Variants in GDF15 observed in about 807,000 individuals in gnomAD.
GDF15 encodes the protein growth differentiation factor 15, also known as growth/differentiation factor 15.
GDF15 carries 10 observed loss-of-function variants against 8.9 expected under a neutral mutation model. That is an observed-to-expected ratio of 1.12 (90% CI 0.69 to 1.90). The LOEUF (loss-of-function observed/expected upper bound fraction) is 1.90. GDF15 is among the 40% of genes most tolerant of loss of function. The probability of loss-of-function intolerance (pLI) is 0.00; values close to 1 mark genes in which losing one functional copy is unlikely to be tolerated. For synonymous variants in GDF15, 228 were observed against 210.6 expected, an observed-to-expected ratio of 1.08 and a Z score of -0.72; for missense variants, 452 against 434.2, an observed-to-expected ratio of 1.04 and a Z score of -0.36.
In GDF15 at chr19:18,388,385, G is replaced by T; in HGVS notation, c.377G>T (p.Arg126Leu). 1.2e-6 allele frequency: 2 copies of T among 1,611,700 alleles called. No homozygotes were observed. The highest frequency in any genetic ancestry group is 1.1e-5 in the South Asian group (1 of 91,012). ...TCCCGCCTTCACCGGGCTCTGTTCCGGCTGTCCCCGACGGCGTCAAGGTCG... is the reference window on the plus strand; with the variant it reads ...TCCCGCCTTCACCGGGCTCTGTTCCTGCTGTCCCCGACGGCGTCAAGGTCG... ...EASRLHRALF[R>L]LSPTASRSWD... is the part of the protein sequence containing the mutation. Residue 126 changes from arginine (R) to leucine (L), a missense_variant, in exon 2 of 2, where the codon CGG becomes CTG. By Grantham distance (102) the Arg-to-Leu change is moderately radical. Coordinates refer to ENST00000252809, the MANE Select transcript of GDF15 (RefSeq NM_004864.4). This position sits in a 1 kb window ranked among gnomAD's most constrained non-coding sequence, Gnocchi z 4.2.
rs776932462 is a variant in GDF15, at chr19:18,386,234, C to G, written c.45C>G (p.Leu15=). The G allele has an allele frequency of 6.8e-6, 11 of 1,613,362 alleles. No homozygotes were observed. The highest frequency in any genetic ancestry group is 2.2e-5 in the East Asian group (1 of 44,896). The change falls in exon 1 of 2, where the codon CTC becomes CTG. Residue 15 remains leucine (L), a synonymous_variant. Transcript: ENST00000252809. ...ELRTVNGSQM[L]LVLLVLSWLP... is the part of the protein sequence containing the mutation. Reference sequence around the variant, plus strand: ...GGACGGTGAATGGCTCTCAGATGCTCCTGGTGTTGCTGGTGCTCTCGTGGC... The same window carrying G: ...GGACGGTGAATGGCTCTCAGATGCTGCTGGTGTTGCTGGTGCTCTCGTGGC...
chr19:18,387,166 C>CAGTCTCCCT (rs1265416577), intron 1 of GDF15, among the ~76,000 whole-genome samples: 1 of 152,154 alleles, frequency 6.6e-6, no homozygotes, highest in Non-Finnish European at 1.5e-5. Context: ...CCAGTCTCCC[C>CAGTCTCCCT]AGTCTCCCTA....
In GDF15 at chr19:18,388,518, G is replaced by A; in HGVS notation, c.510G>A (p.Leu170=). The A allele has an allele frequency of 6.2e-7, 1 of 1,600,728 alleles. No individual in the cohort carries two copies. The highest frequency in any genetic ancestry group is 8.5e-7 in the Non-Finnish European group (1 of 1,176,028). The change falls in exon 2 of 2, where the codon CTG becomes CTA. Residue 170 remains leucine, a synonymous_variant. Transcript: ENST00000252809. The surrounding 1 kb of genome is among the most constrained non-coding windows in gnomAD (Gnocchi z 4.2). ...CGCCGTCGCAGTCGGACCAACTGCT[G>A]GCAGAATCTTCGTCCGCACGGCCCC... ...SPPPSQSDQL[L]AESSSARPQL...
intron 1 of GDF15, among the ~76,000 whole-genome samples, chr19:18,387,553 G>T (rs375528673): frequency 9.9e-5 from 15 of 152,194 alleles, no homozygotes; most frequent in Middle Eastern, 3.4e-3. Flanking sequence ...AAGCAAGTAA[G>T]TTTTTGACTG....
chr19:18,388,184 C>T lies in GDF15; in HGVS notation c.278-102C>T. 2 of 1,078,808 alleles carry T rather than the reference C, an allele frequency of 1.9e-6. No homozygotes were observed. Among genetic ancestry groups the T allele is most frequent in the Non-Finnish European group, 2.7e-6 (2 of 739,280 alleles). 66.8% of individuals were successfully genotyped at this position (1,078,808 alleles called of 1,614,324 possible). On this transcript the variant is annotated intron_variant, in intron 1 of 1. Transcript: ENST00000252809. This position sits in a 1 kb window ranked among gnomAD's most constrained non-coding sequence, Gnocchi z 4.2. ...ATAACTTGTGCAAAGGCGCCGCCGC[C>T]GTGGTGAGATCCAGCTTGGCGTGTT...
rs1568331480 is a variant in GDF15 at position 18,388,967 on chromosome 19, C to CG, written c.*34dup. 6 of 1,520,922 alleles carry CG rather than the reference C, an allele frequency of 3.9e-6. No individual in the cohort carries two copies. In the East Asian group the frequency reaches 1.1e-4, roughly 29 times the overall value. 94.2% of individuals were successfully genotyped at this position (1,520,922 alleles called of 1,614,324 possible). ...CTGGTCCTTCCACTGTGCACCTGCG[C>CG]GGAGGACGCGACCTCAGTTGTCCTG... On this transcript the variant is annotated 3_prime_UTR_variant, in exon 2 of 2. Transcript: ENST00000252809. This position sits in a 1 kb window ranked among gnomAD's most constrained non-coding sequence, Gnocchi z 4.2.
At position 18,388,836 on chromosome 19, in the gene GDF15, C is replaced by G. The variant is rs141878712; in HGVS notation, c.828C>G (p.Pro276=). The change falls in exon 2 of 2, where the codon CCC becomes CCG. Residue 276 remains proline (P), a synonymous_variant. Coordinates refer to ENST00000252809, the MANE Select transcript of GDF15 (RefSeq NM_004864.4). The surrounding 1 kb of genome is among the most constrained non-coding windows in gnomAD (Gnocchi z 4.2). ...PDTVPAPCCV[P]ASYNPMVLIQ... is the part of the protein sequence containing the mutation. ...CGGTGCCAGCGCCCTGCTGCGTGCC[C>G]GCCAGCTACAATCCCATGGTGCTCA... The G allele has an allele frequency of 9.3e-6, 15 of 1,612,038 alleles. No individual in the cohort carries two copies. The African/African-American group carries it at 1.6e-4, about 17-fold the overall frequency.
intron 1 of GDF15, among the ~76,000 whole-genome samples, chr19:18,387,985 C>A (rs569674537): frequency 2.3e-4 from 35 of 151,968 alleles, no homozygotes; most frequent in African/African-American, 8.2e-4. Context: ...CCATGCCCAG[C>A]TAATTTTTGG....
At chr19:18,387,093 G>A (rs1227731) in intron 1 of GDF15, 16,720 of 153,060 alleles carry the variant, frequency 0.11, 1,110 homozygotes, top group East Asian at 0.17. Context: ...TCTGTGCCGT[G>A]TGACTCCGGC....
Position 18,388,340 on chromosome 19 carries a change from C to T in GDF15, c.332C>T (p.Pro111Leu), listed in dbSNP as rs773889399. ...LHLRISRAAL[P>L]EGLPEASRLH... ...CTGCGTATCTCTCGGGCCGCCCTTC[C>T]CGAGGGGCTCCCCGAGGCCTCCCGC... Residue 111 changes from proline (P) to leucine (L), a missense_variant, in exon 2 of 2, where the codon CCC becomes CTC. Transcript: ENST00000252809. This position sits in a 1 kb window ranked among gnomAD's most constrained non-coding sequence, Gnocchi z 4.2. 4.5e-5 allele frequency: 72 copies of T among 1,611,288 alleles called. No homozygotes were observed. The Middle Eastern group carries it at 5.8e-4, about 13-fold the overall frequency.
In GDF15 at chr19:18,388,357, G is replaced by A. The variant is rs143520034; in HGVS notation, c.349G>A (p.Ala117Thr). Residue 117 changes from alanine to threonine, a missense_variant, in exon 2 of 2, where the codon GCC becomes ACC. Transcript: ENST00000252809. The surrounding 1 kb of genome is among the most constrained non-coding windows in gnomAD (Gnocchi z 4.2). ...RAALPEGLPE[A>T]SRLHRALFRL... The stretch of plus-strand genomic sequence containing the variant: ...CGCCCTTCCCGAGGGGCTCCCCGAG[G>A]CCTCCCGCCTTCACCGGGCTCTGTT... 4.8e-4 allele frequency: 776 copies of A among 1,611,574 alleles called. 8 individuals carry two copies. In the African/African-American group the frequency reaches 8.3e-3, roughly 17 times the overall value.
rs1220134971 is a variant in GDF15 at position 18,388,516 on chromosome 19, C to T, written c.508C>T (p.Leu170=). Residue 170 remains leucine, a synonymous_variant, in exon 2 of 2, where the codon CTG becomes TTG. Transcript: ENST00000252809. This position sits in a 1 kb window ranked among gnomAD's most constrained non-coding sequence, Gnocchi z 4.2. ...SPPPSQSDQL[L]AESSSARPQL... is the part of the protein sequence containing the mutation. ...GCCGCCGTCGCAGTCGGACCAACTG[C>T]TGGCAGAATCTTCGTCCGCACGGCC... 2.5e-6 allele frequency: 4 copies of T among 1,600,662 alleles called. No individual in the cohort carries two copies. In the South Asian group the frequency reaches 4.4e-5, roughly 18 times the overall value.
At position 18,386,251 on chromosome 19, in the gene GDF15, T is replaced by C. The variant is rs767447445; in HGVS notation, c.62T>C (p.Leu21Pro). ...CAGATGCTCCTGGTGTTGCTGGTGC[T>C]CTCGTGGCTGCCGCATGGGGGCGCC... ...GSQMLLVLLV[L>P]SWLPHGGALS... The change falls in exon 1 of 2, where the codon CTC becomes CCC. Residue 21 changes from leucine (L) to proline (P), a missense_variant. By Grantham distance (98) the Leu-to-Pro change is moderately conservative. Transcript: ENST00000252809. 6.4e-5 allele frequency: 103 copies of C among 1,613,632 alleles called. No individual in the cohort carries two copies. Among genetic ancestry groups the C allele is most frequent in the Non-Finnish European group, 8.2e-5 (97 of 1,180,026 alleles).
At chr19:18,387,480 T>C (rs116140384) in intron 1 of GDF15, among the ~76,000 whole-genome samples, 1,881 of 152,204 alleles carry the variant, frequency 0.012, 53 homozygotes, top group African/African-American at 0.043. Flanking sequence ...CACTGAGCCA[T>C]GAGTGCCCCA....
rs1206587263 is a variant in GDF15, at chr19:18,388,886, C to T, written c.878C>T (p.Ser293Leu). ...ATTCAAAAGACCGACACCGGGGTGTCGCTCCAGACCTATGATGACTTGTTA... is the reference window on the plus strand; with the variant it reads ...ATTCAAAAGACCGACACCGGGGTGTTGCTCCAGACCTATGATGACTTGTTA... ...VLIQKTDTGV[S>L]LQTYDDLLAK... Residue 293 changes from serine (S) to leucine (L), a missense_variant, in exon 2 of 2, where the codon TCG becomes TTG. Physicochemically the swap from Ser to Leu is moderately radical, Grantham distance 145. Coordinates refer to ENST00000252809, the MANE Select transcript of GDF15 (RefSeq NM_004864.4). This position sits in a 1 kb window ranked among gnomAD's most constrained non-coding sequence, Gnocchi z 4.2. The T allele has an allele frequency of 2.5e-6, 4 of 1,611,272 alleles. No homozygotes were observed. Among genetic ancestry groups the T allele is most frequent in the Admixed American group, 1.7e-5 (1 of 60,004 alleles).
In GDF15 at chr19:18,388,435, C is replaced by A; in HGVS notation, c.427C>A (p.Arg143Ser). ...GTGGGACGTGACACGACCGCTGCGG[C>A]GTCAGCTCAGCCTTGCAAGACCCCA... ...RSWDVTRPLR[R>S]QLSLARPQAP... The change falls in exon 2 of 2, where the codon CGT (arginine) becomes AGT (serine). Residue 143 changes from arginine (R) to serine (S), a missense_variant. Coordinates refer to ENST00000252809, the MANE Select transcript of GDF15 (RefSeq NM_004864.4). The surrounding 1 kb of genome is among the most constrained non-coding windows in gnomAD (Gnocchi z 4.2). The A allele has an allele frequency of 6.2e-7, 1 of 1,610,264 alleles. No individual in the cohort carries two copies. Among genetic ancestry groups the A allele is most frequent in the Non-Finnish European group, 8.5e-7 (1 of 1,179,286 alleles).
At chr19:18,386,625 T>G in intron 1 of GDF15, 159 bp downstream of exon 1, 1 of 651,034 alleles carries the variant, frequency 1.5e-6, no homozygotes, top group Non-Finnish European at 2.6e-6. Flanking sequence ...TCTGATGGGG[T>G]AGCCGATGCC....
intron 1 of GDF15, among the ~76,000 whole-genome samples, chr19:18,387,813 C>CTTTTTTTTTTTTTTT (rs538473844): frequency 0.013 from 932 of 70,300 alleles, 168 homozygotes; most frequent in African/African-American, 0.057. Context: ...GAGAAATGCC[C>CTTTTTTTTTTTTTTT]TTTTTTTTTT....
At chr19:18,387,522 TAATA>T (rs1048930162) in intron 1 of GDF15, among the ~76,000 whole-genome samples, 5 of 152,022 alleles carry the variant, frequency 3.3e-5, no homozygotes, top group African/African-American at 1.2e-4. Context: ...AGCAAGACCA[TAATA>T]AATAAATAAA....
Sources: gnomAD v4.1 joint callset for allele counts (sites outside exome capture counted in the v4.1 genomes callset) on GRCh38, gnomAD v4.1.1 for gene constraint, Gnocchi (gnomAD v3.1) non-coding constraint, MANE v1.5 for transcripts, NCBI Gene and HGNC (gene_info 2026-07-23, HGNC 2026-07-21) for gene names.